The following C3orf52 variants were observed in gnomAD, a reference collection of about 807,000 sequenced individuals.
The protein encoded by C3orf52 is TPA-induced transmembrane protein.
A neutral mutation model predicts 24.8 loss-of-function variants in C3orf52; 22 were observed. That is an observed-to-expected ratio of 0.89 (90% CI 0.63 to 1.27). The LOEUF is 1.27. Among genes scored for constraint, C3orf52 ranks in the 50% most tolerant of loss-of-function variants. The pLI, the probability that C3orf52 is intolerant of heterozygous loss-of-function variation, is 0.00. For missense variants in C3orf52, 265 were observed against 260.7 expected, an observed-to-expected ratio of 1.02 and a Z score of -0.11; for synonymous variants, 93 against 100.2, an observed-to-expected ratio of 0.93 and a Z score of 0.43.
downstream of C3orf52, among the ~76,000 whole-genome samples, chr3:112,120,250 TAA>T (rs1377265046): frequency 6.6e-6 from 1 of 152,138 alleles, no homozygotes; most frequent in Admixed American, 6.5e-5. Context: ...AGAACAGAGA[TAA>T]GTGGAAACAG....
At position 112,099,627 on chromosome 3, in the gene C3orf52, C is replaced by T. The variant is rs867633017; in HGVS notation, c.269-3211C>T. ...TAAAAATGAAAACAACAATATTTAA[C>T]TCATTGGGTTAATGTGAGGATTATG... On this transcript the variant is annotated intron_variant, in intron 2 of 5. Transcript: ENST00000264848. 3.3e-5 allele frequency among the ~76,000 whole-genome samples: 5 copies of T among 152,258 alleles called. No homozygotes were observed. The Middle Eastern group carries it at 0.014, about 417-fold the overall frequency.
chr3:112,106,210 C>G (rs761237277), intron 3 of C3orf52, among the ~76,000 whole-genome samples: 1 of 152,102 alleles, frequency 6.6e-6, no homozygotes, highest in African/African-American at 2.4e-5. Context: ...GCCTCTCTCC[C>G]CTCTGGAGGA....
At chr3:112,102,359 A>G (rs994891396) in intron 2 of C3orf52, among the ~76,000 whole-genome samples, 8 of 151,978 alleles carry the variant, frequency 5.3e-5, no homozygotes, top group African/African-American at 1.9e-4. Context: ...CATTTATAAA[A>G]TGTAAATGAT....
At chr3:112,091,637 A>G (rs1430606216) in intron 1 of C3orf52, among the ~76,000 whole-genome samples, 10 of 152,248 alleles carry the variant, frequency 6.6e-5, no homozygotes, top group South Asian at 2.1e-4. Flanking sequence ...GGGCACCTCT[A>G]ATTGAGAAGG....
At chr3:112,122,612 A>G (rs1304427664), downstream of C3orf52, 1 of 152,196 alleles carries the variant, frequency 6.6e-6, no homozygotes, top group Non-Finnish European at 1.5e-5. Context: ...CATTTAATAT[A>G]TTGCAGAGGG....
chr3:112,112,209 A>G (rs1371750486), intron 4 of C3orf52: 1 of 152,324 alleles, frequency 6.6e-6, no homozygotes, highest in African/African-American at 2.4e-5. Context: ...AGCATTAGAC[A>G]CTAATTAATG....
chr3:112,134,187 G>A (rs2074522504), downstream of C3orf52: 1 of 152,238 alleles, frequency 6.6e-6, no homozygotes. Context: ...CTTCCACTGA[G>A]AGCCACTTCC....
chr3:112,123,612 T>G, intron 4 of C3orf52: 4 of 1,614,130 alleles, frequency 2.5e-6, no homozygotes, highest in Non-Finnish European at 3.4e-6. Flanking sequence ...AAGTGAATAC[T>G]CAGTCTCAGT....
chr3:112,091,481 C>T (rs913338320), intron 1 of C3orf52, among the ~76,000 whole-genome samples: 13 of 152,174 alleles, frequency 8.5e-5, no homozygotes, highest in Non-Finnish European at 1.8e-4. Context: ...TTTGACCTAA[C>T]TCCCGAAAGG....
At chr3:112,125,924 T>A (rs990579695) in intron 4 of C3orf52, among the ~76,000 whole-genome samples, 1 of 152,212 alleles carries the variant, frequency 6.6e-6, no homozygotes, top group African/African-American at 2.4e-5. Flanking sequence ...ACACCCTTGC[T>A]ACCCTCTTGC....
intron 2 of C3orf52, among the ~76,000 whole-genome samples, chr3:112,097,385 G>A (rs781593270): frequency 3.3e-5 from 5 of 152,156 alleles, no homozygotes; most frequent in Non-Finnish European, 7.3e-5. Context: ...ACCCTCATGT[G>A]ATATCCCCCA....
downstream of C3orf52, chr3:112,129,581 A>G (rs1341059800): frequency 1.3e-5 from 2 of 151,920 alleles, no homozygotes; most frequent in South Asian, 2.1e-4. Context: ...GGTCTACCCA[A>G]CCTCTCCCTT....
At chr3:112,109,721 A>ACCTGT in intron 4 of C3orf52, 108 bp downstream of exon 4, 1 of 676,106 alleles carries the variant, frequency 1.5e-6, no homozygotes, top group Non-Finnish European at 2.7e-6. Flanking sequence ...CAGAGCATGA[A>ACCTGT]GGGAACCTGT....
At chr3:112,123,064 A>C (rs2074230024), downstream of C3orf52, 1 of 228,534 alleles carries the variant, frequency 4.4e-6, no homozygotes, top group African/African-American at 2.3e-5. Flanking sequence ...GGGCACACTT[A>C]GTATGATGAG....
At chr3:112,124,033 G>T (rs918023125) in intron 4 of C3orf52, among the ~76,000 whole-genome samples, 2 of 152,122 alleles carry the variant, frequency 1.3e-5, no homozygotes, top group African/African-American at 4.8e-5. Context: ...ATATAGTTTG[G>T]ATATTCGTCC....
intron 3 of C3orf52, among the ~76,000 whole-genome samples, chr3:112,107,650 C>G (rs1345797991): frequency 6.6e-6 from 1 of 152,172 alleles, no homozygotes; most frequent in Non-Finnish European, 1.5e-5. Flanking sequence ...TTGGCTTCTC[C>G]TTTTACTAGC....
chr3:112,131,443 A>G (rs549953790), downstream of C3orf52, among the ~76,000 whole-genome samples: 112 of 152,324 alleles, frequency 7.4e-4, 1 homozygote, highest in South Asian at 0.021. Context: ...TTAGATACCA[A>G]TATATACAAG....
chr3:112,086,436 T>A lies in C3orf52; in HGVS notation c.29T>A (p.Val10Glu). The A allele has an allele frequency of 6.4e-7, 1 of 1,550,842 alleles. No homozygotes were observed. Among genetic ancestry groups the A allele is most frequent in the Non-Finnish European group, 8.7e-7 (1 of 1,146,536 alleles). ...GACCTGGCCCAACCCTCACAGCCAG[T>A]AGACGAGCTGGAGCTCTCGGTGCTC... MDLAQPSQP[V>E]DELELSVLER... The change falls in exon 1 of 6, where the codon GTA (valine) becomes GAA (glutamate). Residue 10 changes from valine to glutamate, a missense_variant. Physicochemically the swap from Val to Glu is moderately radical, Grantham distance 121. Transcript: ENST00000264848.
In C3orf52 at chr3:112,102,824, C is replaced by G; in HGVS notation, c.269-14C>G. On this transcript the variant is annotated splice_polypyrimidine_tract_variant and intron_variant, in intron 2 of 5. Coordinates refer to ENST00000264848, the MANE Select transcript of C3orf52 (RefSeq NM_024616.3). ...ACTTTTGTTTTTCATTTCCACCTCCCCTACTTTCTTTAGTAACTTATGTTG... is the reference window on the plus strand; with the variant it reads ...ACTTTTGTTTTTCATTTCCACCTCCGCTACTTTCTTTAGTAACTTATGTTG... The G allele has an allele frequency of 6.5e-7, 1 of 1,543,754 alleles. No homozygotes were observed. The highest frequency in any genetic ancestry group is 8.7e-7 in the Non-Finnish European group (1 of 1,144,910).
Sources: gnomAD v4.1 joint callset for allele counts (sites outside exome capture counted in the v4.1 genomes callset) on GRCh38, gnomAD v4.1.1 for gene constraint, MANE v1.5 for transcripts, NCBI Gene and HGNC (gene_info 2026-07-23, HGNC 2026-07-21) for gene names.